F11: variants seen among roughly 807,000 people sequenced by gnomAD.
F11 encodes the protein coagualtion factor XI.
Under a neutral mutation model 76.5 loss-of-function variants are expected in F11, and 78 were observed. That is an observed-to-expected ratio of 1.02 (90% CI 0.85 to 1.23). F11 has a LOEUF of 1.23. F11 is among the 50% of genes most tolerant of loss of function. The pLI is 0.00. For missense variants in F11, 742 were observed against 771.4 expected (o/e 0.96, Z 0.45); for synonymous variants, 278 against 276.3 (o/e 1.01, Z -0.06).
chr4:186,285,907 TC>T, intron 12 of F11, 94 bp downstream of exon 12: 1 of 1,311,868 alleles, frequency 7.6e-7, no homozygotes. Flanking sequence ...TGCCAATCTC[TC>T]CATGCGTTAT....
chr4:186,278,315 C>T (rs1487120714), intron 7 of F11, among the ~76,000 whole-genome samples: 2 of 152,170 alleles, frequency 1.3e-5, no homozygotes, highest in Non-Finnish European at 2.9e-5. Flanking sequence ...CCTCACTTTC[C>T]ACTGAGTGAG....
intron 2 of F11, among the ~76,000 whole-genome samples, chr4:186,270,609 A>G (rs749315424): frequency 5.3e-5 from 8 of 151,856 alleles, no homozygotes; most frequent in Admixed American, 2.0e-4. Flanking sequence ...AAATAATCCA[A>G]TTAGGAGGGG....
At chr4:186,280,174 G>A in intron 8 of F11, 49 bp from the exon 9 acceptor site, 1 of 1,614,024 alleles carries the variant, frequency 6.2e-7, no homozygotes, top group South Asian at 1.1e-5. Context: ...CGAGGAGGCT[G>A]ATACATGCTG....
chr4:186,277,972 G>GT (rs1470416130), intron 7 of F11, among the ~76,000 whole-genome samples: 1 of 151,964 alleles, frequency 6.6e-6, no homozygotes, highest in African/African-American at 2.4e-5. Context: ...GCTAATGTTT[G>GT]TTTTTTTGTA....
chr4:186,281,227 A>C (rs756346819), intron 10 of F11, among the ~76,000 whole-genome samples: 1 of 152,088 alleles, frequency 6.6e-6, no homozygotes, highest in Non-Finnish European at 1.5e-5. Context: ...AATCTTTCCT[A>C]TTATCCTTTG....
Position 186,280,495 on chromosome 4 carries a change from T to G in F11, c.1050T>G (p.Leu350=). The change falls in exon 10 of 15, where the codon CTT becomes CTG. Residue 350 remains leucine, a synonymous_variant. Transcript: ENST00000403665. ...GCAGGGGCAAGTGTTACTTAAAGCT[T>G]TCTTCAAACGGATCTCCAACTAAAA... ...NEGKGKCYLK[L]SSNGSPTKIL... 1.9e-6 allele frequency: 3 copies of G among 1,614,218 alleles called. No homozygotes were observed. Among genetic ancestry groups the G allele is most frequent in the Non-Finnish European group, 2.5e-6 (3 of 1,180,036 alleles).
At chr4:186,284,037 T>C in intron 10 of F11, 55 bp from the exon 11 acceptor site, 1 of 1,613,482 alleles carries the variant, frequency 6.2e-7, no homozygotes, top group Admixed American at 1.7e-5. Context: ...AGGAGCATAA[T>C]TACTGATGGA....
intron 2 of F11, among the ~76,000 whole-genome samples, chr4:186,271,338 A>G (rs1739937722): frequency 6.6e-6 from 1 of 152,238 alleles, no homozygotes; most frequent in African/African-American, 2.4e-5. Flanking sequence ...CCTTGAAATG[A>G]TTCAATTACC....
chr4:186,282,144 T>C (rs1168688565), intron 10 of F11: 2 of 1,140,560 alleles, frequency 1.8e-6, no homozygotes, highest in Non-Finnish European at 2.2e-6. Flanking sequence ...AATGTTGACA[T>C]GGTTTAATAA....
At chr4:186,268,545 G>C (rs4253820) in intron 2 of F11, among the ~76,000 whole-genome samples, 74 of 152,126 alleles carry the variant, frequency 4.9e-4, no homozygotes, top group African/African-American at 1.6e-3. Flanking sequence ...CCGTGAATGG[G>C]AGCTAGAATA....
downstream of F11, among the ~76,000 whole-genome samples, chr4:186,290,429 T>C (rs550703866): frequency 6.6e-6 from 1 of 152,128 alleles, no homozygotes; most frequent in Non-Finnish European, 1.5e-5. Flanking sequence ...CGTTCAAGAG[T>C]ATCAAACAAT....
chr4:186,271,712 C>T lies in F11; in HGVS notation c.159C>T (p.His53=), dbSNP rs281875261. The change falls in exon 3 of 15, where the codon CAC becomes CAT. Residue 53 remains histidine, a synonymous_variant. Coordinates refer to ENST00000403665, the MANE Select transcript of F11 (RefSeq NM_000128.4). Reference sequence around the variant, plus strand: ...ACTGCCAGGTAGTCTGCACTTACCACCCAAGATGTTTACTCTTCACTTTCA... The same window carrying T: ...ACTGCCAGGTAGTCTGCACTTACCATCCAAGATGTTTACTCTTCACTTTCA... ...AKYCQVVCTY[H]PRCLLFTFTA... The T allele has an allele frequency of 6.2e-7, 1 of 1,614,090 alleles. No individual in the cohort carries two copies. The highest frequency in any genetic ancestry group is 8.5e-7 in the Non-Finnish European group (1 of 1,180,032).
intron 11 of F11, among the ~76,000 whole-genome samples, 188 bp downstream of exon 11, chr4:186,284,448 G>A (rs1263037705): frequency 6.6e-6 from 1 of 152,148 alleles, no homozygotes. Flanking sequence ...ACAGGTGCAG[G>A]TACAAGGCTG....
intron 10 of F11, 92 bp from the exon 11 acceptor site, chr4:186,284,000 G>C: frequency 6.3e-7 from 1 of 1,599,012 alleles, no homozygotes; most frequent in Non-Finnish European, 8.6e-7. Context: ...CTATTGACTT[G>C]AGGAAAGGTT....
Position 186,284,173 on chromosome 4 carries a change from A to C in F11, c.1217A>C (p.His406Pro), listed in dbSNP as rs901732635. 3 of 1,614,262 alleles carry C rather than the reference A, an allele frequency of 1.9e-6. No individual in the cohort carries two copies. The highest frequency in any genetic ancestry group is 2.5e-6 in the Non-Finnish European group (3 of 1,180,054). ...RGEWPWQVTL[H>P]TTSPTQRHLC... ...GAGTGGCCGTGGCAGGTGACCCTGC[A>C]CACAACCTCACCCACTCAGAGACAC... Residue 406 changes from histidine to proline, a missense_variant, in exon 11 of 15, where the codon CAC becomes CCC. His to Pro is a moderately conservative substitution (Grantham distance 77, BLOSUM62 -2). Coordinates refer to ENST00000403665, the MANE Select transcript of F11 (RefSeq NM_000128.4).
chr4:186,274,007 T>C, intron 4 of F11, 109 bp from the exon 5 acceptor site: 1 of 1,250,460 alleles, frequency 8.0e-7, no homozygotes, highest in Non-Finnish European at 1.2e-6. Flanking sequence ...GAAAGACCTC[T>C]GAGGAAAGGT....
intron 12 of F11, 35 bp from the exon 13 acceptor site, chr4:186,286,380 C>A: frequency 6.6e-7 from 1 of 1,509,468 alleles, no homozygotes; most frequent in Non-Finnish European, 9.2e-7. Flanking sequence ...ATATATTTTG[C>A]GTCTCATATT....
rs764457412 is a variant in F11, at chr4:186,288,520, G to A, written c.1784G>A (p.Trp595Ter). Reference protein sequence around the residue: ...EVWHLVGITSWGEGCAQRERP... With the variant: ...EVWHLVGITS ...TGGCATCTGGTAGGCATCACGAGCTGGGGCGAAGGCTGTGCTCAAAGGGAG... is the reference window on the plus strand; with the variant it reads ...TGGCATCTGGTAGGCATCACGAGCTAGGGCGAAGGCTGTGCTCAAAGGGAG... Residue 595 changes from tryptophan (W) to a stop codon, truncating the protein, a stop_gained, in exon 15 of 15, where the codon TGG becomes TAG. Transcript: ENST00000403665. LOFTEE classifies it high-confidence loss of function. 6.2e-7 allele frequency: 1 copy of A among 1,614,194 alleles called. No homozygotes were observed. The highest frequency in any genetic ancestry group is 1.3e-5 in the African/African-American group (1 of 75,052).
intron 12 of F11, 129 bp from the exon 13 acceptor site, chr4:186,286,286 G>A (rs552929156): frequency 5.9e-5 from 55 of 938,560 alleles, no homozygotes; most frequent in Admixed American, 3.1e-4. Context: ...GAAAATACAC[G>A]ACAACAAGGC....
Sources: gnomAD v4.1 joint callset for allele counts (sites outside exome capture counted in the v4.1 genomes callset) on GRCh38, gnomAD v4.1.1 for gene constraint, MANE v1.5 for transcripts, NCBI Gene and HGNC (gene_info 2026-07-23, HGNC 2026-07-21) for gene names.